The following DENND1A variants were observed in gnomAD, a reference collection of about 807,000 sequenced individuals.
DENND1A encodes the protein DENN domain-containing protein 1A.
Under a neutral mutation model 113.7 loss-of-function variants are expected in DENND1A, and 51 were observed. The ratio of observed to expected loss-of-function variants is 0.45; its 90% CI spans 0.36 to 0.57. DENND1A has a LOEUF of 0.57. DENND1A is among the 20% of genes least tolerant of loss of function. The pLI is 0.00. For missense variants in DENND1A, 1,258 were observed against 1,395.9 expected, an observed-to-expected ratio of 0.90 and a Z score of 1.57; for synonymous variants, 565 against 570.8, an observed-to-expected ratio of 0.99 and a Z score of 0.14.
At chr9:123,757,596 A>C (rs1042485141) in intron 5 of DENND1A, 107 bp downstream of exon 5, 198 of 1,501,524 alleles carry the variant, frequency 1.3e-4, no homozygotes, top group Non-Finnish European at 1.5e-4. Context: ...TGTGGGAAAC[A>C]GATAGGAAAA....
At chr9:123,703,235 C>T (rs1313149566) in intron 5 of DENND1A, among the ~76,000 whole-genome samples, 1 of 152,100 alleles carries the variant, frequency 6.6e-6, no homozygotes, top group Non-Finnish European at 1.5e-5. Context: ...GTGATCCATC[C>T]ACCTAGGATT....
At chr9:123,483,132 T>C (rs932034068) in intron 13 of DENND1A, among the ~76,000 whole-genome samples, 3 of 152,150 alleles carry the variant, frequency 2.0e-5, no homozygotes, top group Non-Finnish European at 4.4e-5. Flanking sequence ...AAGAGTTGAC[T>C]TGGATGCAAG....
At chr9:123,923,944 C>T (rs951849022) in intron 1 of DENND1A, among the ~76,000 whole-genome samples, 4 of 151,972 alleles carry the variant, frequency 2.6e-5, no homozygotes, top group African/African-American at 9.7e-5. Flanking sequence ...TATACCCAAG[C>T]GAAATAAAAA....
intron 2 of DENND1A, among the ~76,000 whole-genome samples, chr9:123,851,163 G>A (rs142103231): frequency 2.6e-5 from 4 of 152,224 alleles, no homozygotes; most frequent in Admixed American, 6.5e-5. Context: ...GTGCTCCTCC[G>A]TAATCTATCC....
intron 5 of DENND1A, among the ~76,000 whole-genome samples, chr9:123,710,563 G>C (rs956602544): frequency 1.8e-5 from 2 of 113,866 alleles, no homozygotes; most frequent in Non-Finnish European, 3.7e-5. Context: ...ACACACACTG[G>C]CATCATACAA....
chr9:123,588,410 G>A (rs528826669), intron 11 of DENND1A, among the ~76,000 whole-genome samples: 57 of 151,866 alleles, frequency 3.8e-4, no homozygotes, highest in African/African-American at 1.3e-3. Flanking sequence ...CCTGAGGTCA[G>A]GAGTTCAAGA....
At chr9:123,588,633 A>AGG (rs1290448078) in intron 11 of DENND1A, among the ~76,000 whole-genome samples, 110 of 86,444 alleles carry the variant, frequency 1.3e-3, no homozygotes, top group African/African-American at 3.4e-3. Context: ...AAAAAAAAAA[A>AGG]GGGGGGGGGG....
Position 123,814,936 on chromosome 9 carries a change from AT to A in DENND1A, c.89-22307del, listed in dbSNP as rs1414001024. Among the ~76,000 whole-genome samples, 4 of 152,372 alleles carry A rather than the reference AT, an allele frequency of 2.6e-5. 1 individual carries two copies. In the East Asian group the frequency reaches 7.7e-4, roughly 29 times the overall value. ...ATAATTAGATATTATTCATTGAATGATAGTTTTGAGAGTTTAACAATAATTC... is the reference window on the plus strand; with the variant it reads ...ATAATTAGATATTATTCATTGAATGAAGTTTTGAGAGTTTAACAATAATTC... On this transcript the variant is annotated intron_variant, in intron 2 of 23. Transcript: ENST00000394215.
chr9:123,588,977 A>C (rs2059332509), intron 11 of DENND1A, among the ~76,000 whole-genome samples: 1 of 152,016 alleles, frequency 6.6e-6, no homozygotes, highest in Non-Finnish European at 1.5e-5. Context: ...CATGTTGGCC[A>C]AAGTGGTCTT....
At chr9:123,636,271 G>A (rs1205601775) in intron 9 of DENND1A, among the ~76,000 whole-genome samples, 1 of 151,848 alleles carries the variant, frequency 6.6e-6, no homozygotes, top group Non-Finnish European at 1.5e-5. Context: ...CCAGGAACAC[G>A]ACGGCTATGG....
At chr9:123,486,013 C>G (rs1205290220) in intron 13 of DENND1A, among the ~76,000 whole-genome samples, 4 of 152,146 alleles carry the variant, frequency 2.6e-5, no homozygotes, top group Non-Finnish European at 5.9e-5. Context: ...CTGGCATACC[C>G]CGGGTGCCAT....
At chr9:123,882,636 C>T (rs1848485835) in intron 1 of DENND1A, among the ~76,000 whole-genome samples, 1 of 152,142 alleles carries the variant, frequency 6.6e-6, no homozygotes, top group Admixed American at 6.5e-5. Flanking sequence ...TGCTTTCTTC[C>T]TTGCCCCTCT....
Position 123,928,799 on chromosome 9 carries a change from C to A in DENND1A, c.17+1090G>T, listed in dbSNP as rs576901247. 3.6e-5 allele frequency: 35 copies of A among 985,474 alleles called. No homozygotes were observed. In the South Asian group the frequency reaches 9.9e-4, roughly 28 times the overall value. 61.0% of individuals were successfully genotyped at this position (985,474 alleles called of 1,614,324 possible). On this transcript the variant is annotated intron_variant, in intron 1 of 23. Coordinates refer to ENST00000394215, the MANE Select transcript of DENND1A (RefSeq NM_001352964.2). ...CCCTTAAGGCCCTTCTCCTTTCAAA[C>A]TTCCCTAGTACAATTCTCAAAATGC...
At chr9:123,495,374 T>C (rs923563506) in intron 13 of DENND1A, among the ~76,000 whole-genome samples, 1 of 152,190 alleles carries the variant, frequency 6.6e-6, no homozygotes, top group Non-Finnish European at 1.5e-5. Flanking sequence ...CATGCAGCTC[T>C]TCCCGCCTTG....
intron 23 of DENND1A, among the ~76,000 whole-genome samples, chr9:123,383,404 C>T (rs944389795): frequency 1.3e-5 from 2 of 152,202 alleles, no homozygotes; most frequent in Non-Finnish European, 2.9e-5. Context: ...CCCGCCCCCC[C>T]GTCTGATGCA....
At chr9:123,808,709 C>T (rs940387998) in intron 2 of DENND1A, among the ~76,000 whole-genome samples, 4 of 152,112 alleles carry the variant, frequency 2.6e-5, no homozygotes, top group Non-Finnish European at 5.9e-5. Context: ...TACTGTTATA[C>T]AGACTTGATA....
intron 13 of DENND1A, among the ~76,000 whole-genome samples, chr9:123,532,910 T>C (rs1391397912): frequency 6.6e-6 from 1 of 152,180 alleles, no homozygotes; most frequent in Non-Finnish European, 1.5e-5. Flanking sequence ...AGGCCAGAGC[T>C]CAGCATGAAT....
In DENND1A at chr9:123,679,332, T is replaced by C. The variant is rs181843248; in HGVS notation, c.303-2543A>G. Among the ~76,000 whole-genome samples the C allele has an allele frequency of 2.6e-5, 4 of 152,252 alleles. No individual in the cohort carries two copies. In the East Asian group the frequency reaches 5.8e-4, roughly 22 times the overall value. On this transcript the variant is annotated intron_variant, in intron 5 of 23. Transcript: ENST00000394215. ...TCCAAGTTGTCACCTGCTGTGAGGA[T>C]GAAGGAGGTGACGTGGGAAGGAGCT...
intron 10 of DENND1A, among the ~76,000 whole-genome samples, chr9:123,621,693 T>G (rs939102795): frequency 1.3e-5 from 2 of 152,194 alleles, no homozygotes; most frequent in Non-Finnish European, 2.9e-5. Flanking sequence ...GCCAGACATT[T>G]CTGCTTCCGC....
Sources: gnomAD v4.1 joint callset for allele counts (sites outside exome capture counted in the v4.1 genomes callset) on GRCh38, gnomAD v4.1.1 for gene constraint, MANE v1.5 for transcripts, NCBI Gene and HGNC (gene_info 2026-07-23, HGNC 2026-07-21) for gene names.